VPS13D: variants seen among roughly 807,000 people sequenced by gnomAD.
The protein encoded by VPS13D is intermembrane lipid transfer protein VPS13D.
In VPS13D, 187 loss-of-function variants were observed where a neutral mutation model predicts 461.9. The observed-to-expected ratio is 0.40, with a 90% CI of 0.36 to 0.46. The LOEUF (loss-of-function observed/expected upper bound fraction) is 0.46, where lower values mean the gene tolerates loss of function less well. Ranked by LOEUF, VPS13D falls within the 20% of genes least tolerant of loss-of-function variation. The pLI is 0.60. For synonymous variants in VPS13D, 1,951 were observed against 1,986.3 expected (o/e 0.98, Z 0.47); for missense variants, 4,711 against 5,364.9 (o/e 0.88, Z 3.81).
rs145277198 is a variant in VPS13D, at chr1:12,432,326, G to A, written c.12333+15499G>A. Among the ~76,000 whole-genome samples the A allele has an allele frequency of 2.7e-3, 406 of 151,968 alleles. 2 individuals carry two copies. Among genetic ancestry groups the A allele is most frequent in the Middle Eastern group, 6.8e-3 (2 of 294 alleles). On this transcript the variant is annotated intron_variant, in intron 65 of 69. Transcript: ENST00000620676. ...GAGAGTCGCTTGAACCTGGGGAGGC[G>A]GAGGTTGCTGTGAGCCTAGATTGTG...
Position 12,403,985 on chromosome 1 carries a change from T to G in VPS13D, c.12030+12T>G, listed in dbSNP as rs1388700195. 6.4e-7 allele frequency: 1 copy of G among 1,567,164 alleles called. No individual in the cohort carries two copies. Among genetic ancestry groups the G allele is most frequent in the Non-Finnish European group, 8.6e-7 (1 of 1,161,344 alleles). The stretch of plus-strand genomic sequence containing the variant: ...CATTGGATCTTAAGGTGAGCTGCTA[T>G]TTGGGTAAATTTTTTTAGATGATTT... On this transcript the variant is annotated intron_variant, in intron 63 of 69. Coordinates refer to ENST00000620676, the MANE Select transcript of VPS13D (RefSeq NM_015378.4).
intron 1 of VPS13D, among the ~76,000 whole-genome samples, chr1:12,231,473 T>C (rs1639971466): frequency 6.6e-6 from 1 of 152,244 alleles, no homozygotes; most frequent in Non-Finnish European, 1.5e-5. Flanking sequence ...TTAGGGCAAG[T>C]AGGGTAGGGC....
chr1:12,420,548 C>G (rs1644850201), intron 65 of VPS13D, among the ~76,000 whole-genome samples: 1 of 152,184 alleles, frequency 6.6e-6, no homozygotes, highest in Admixed American at 6.5e-5. Flanking sequence ...TCATAAACCT[C>G]TTAAATTAAT....
rs1646166285 is a variant in VPS13D, at chr1:12,510,396, CTCAGTGGA to C, written c.*1382_*1389del. 1 of 152,182 alleles carries C rather than the reference CTCAGTGGA, an allele frequency of 6.6e-6. No homozygotes were observed. The highest frequency in any genetic ancestry group is 2.4e-5 in the African/African-American group (1 of 41,440). 9.4% of individuals were successfully genotyped at this position (152,182 alleles called of 1,614,324 possible). A position where few individuals can be genotyped will look rare whatever the true frequency, so the allele number is the denominator to read the frequency against. On this transcript the variant is annotated 3_prime_UTR_variant, in exon 70 of 70. Transcript: ENST00000620676. ...TCACATGTAGCTGAGTCTGGGATGA[CTCAGTGGA>C]TCAGTGGATGCGTGGAAGGTTTTGG...
chr1:12,369,485 C>T lies in VPS13D; in HGVS notation c.10591C>T (p.Gln3531Ter). The T allele has an allele frequency of 6.2e-7, 1 of 1,614,132 alleles. No homozygotes were observed. Among genetic ancestry groups the T allele is most frequent in the Non-Finnish European group, 8.5e-7 (1 of 1,180,030 alleles). The change falls in exon 54 of 70, where the codon CAG (glutamine) becomes TAG (stop). Residue 3531 changes from glutamine to a stop codon, truncating the protein, a stop_gained. Transcript: ENST00000620676. LOFTEE classifies it high-confidence loss of function. ...ACTCTAGGTCCCGGTTGTCTTTACT[C>T]AGCATGGCGTAGCTGAACCCAGGCT... ...NFSKVPVVFT[Q>*]HGVAEPRLRT... is the part of the protein sequence containing the mutation.
chr1:12,449,070 A>G (rs1003537699), intron 65 of VPS13D, among the ~76,000 whole-genome samples: 1 of 151,912 alleles, frequency 6.6e-6, no homozygotes, highest in Non-Finnish European at 1.5e-5. Context: ...ATAAGTGTTT[A>G]TCCGTGAAAT....
chr1:12,459,535 A>G (rs190992094), intron 66 of VPS13D, among the ~76,000 whole-genome samples: 159 of 149,518 alleles, frequency 1.1e-3, no homozygotes, highest in African/African-American at 3.7e-3. Context: ...CTGGAGTGCA[A>G]TGCTGCGATC....
At position 12,277,187 on chromosome 1, in the gene VPS13D, G is replaced by A. The variant is rs768331333; in HGVS notation, c.3599G>A (p.Gly1200Asp). 2 of 1,614,204 alleles carry A rather than the reference G, an allele frequency of 1.2e-6. No homozygotes were observed. Among genetic ancestry groups the A allele is most frequent in the South Asian group, 1.1e-5 (1 of 91,088 alleles). ...AAAATTGCAACTGCAAGTATAGGTG[G>A]CACCAAAGTTAATGTCTCAATGGGT... The part of the protein sequence containing the change: ...GRKIATASIG[G>D]TKVNVSMGST... The change falls in exon 19 of 70, where the codon GGC becomes GAC. Residue 1200 changes from glycine to aspartate, a missense_variant. Transcript: ENST00000620676.
intron 29 of VPS13D, among the ~76,000 whole-genome samples, chr1:12,312,416 A>G (rs1642778828): frequency 1.3e-5 from 2 of 152,150 alleles, no homozygotes; most frequent in South Asian, 4.1e-4. Flanking sequence ...GGGGTGGGAG[A>G]TGCAGAACCA....
Position 12,288,636 on chromosome 1 carries a change from C to T in VPS13D, c.5725+323C>T, listed in dbSNP as rs1393230713. Among the ~76,000 whole-genome samples, 4 of 151,046 alleles carry T rather than the reference C, an allele frequency of 2.6e-5. No homozygotes were observed. The Admixed American group carries it at 2.7e-4, about 10-fold the overall frequency. On this transcript the variant is annotated intron_variant, in intron 22 of 69. Coordinates refer to ENST00000620676, the MANE Select transcript of VPS13D (RefSeq NM_015378.4). Reference sequence around the variant, plus strand: ...TTTCAACAGACTCTATCTAGGGTGCCCATATAACTTTTTTTTGGTTCAAAT... The same window carrying T: ...TTTCAACAGACTCTATCTAGGGTGCTCATATAACTTTTTTTTGGTTCAAAT...
At chr1:12,459,930 CCT>C (rs967180463) in intron 66 of VPS13D, among the ~76,000 whole-genome samples, 1 of 151,442 alleles carries the variant, frequency 6.6e-6, no homozygotes, top group Non-Finnish European at 1.5e-5. Context: ...CCACTGTTAA[CCT>C]CTCAGCTTTT....
intron 14 of VPS13D, 74 bp from the exon 15 acceptor site, chr1:12,267,771 G>T: frequency 3.0e-6 from 4 of 1,324,144 alleles, no homozygotes; most frequent in Non-Finnish European, 4.4e-6. Flanking sequence ...TTGCTGAAGG[G>T]TAAGATGGGT....
intron 65 of VPS13D, among the ~76,000 whole-genome samples, chr1:12,424,932 A>C (rs940048821): frequency 6.6e-6 from 1 of 152,188 alleles, no homozygotes; most frequent in African/African-American, 2.4e-5. Context: ...TTTCTACCCT[A>C]GTGTAAACAT....
intron 52 of VPS13D, among the ~76,000 whole-genome samples, chr1:12,363,859 A>G (rs914592022): frequency 1.4e-5 from 2 of 147,836 alleles, no homozygotes; most frequent in Non-Finnish European, 3.0e-5. Flanking sequence ...AGGCTGAGGC[A>G]GGAGAATCGC....
chr1:12,430,586 G>A (rs1644979203), intron 65 of VPS13D, among the ~76,000 whole-genome samples: 1 of 152,222 alleles, frequency 6.6e-6, no homozygotes, highest in Non-Finnish European at 1.5e-5. Flanking sequence ...GTTTTGCCAA[G>A]ACCGTGCAGT....
rs1644232926 is a variant in VPS13D, at chr1:12,378,576, C to A, written c.11066C>A (p.Ala3689Glu). ...ATCTTAGATATTGCTGGTCTCGCTG[C>A]AGTGACTGACAACAGGTAATTTTCT... ...SAILDIAGLA[A>E]VTDNRYEPLM... The change falls in exon 56 of 70, where the codon GCA becomes GAA. Residue 3689 changes from alanine to glutamate, a missense_variant. Physicochemically the swap from Ala to Glu is moderately radical, Grantham distance 107. Transcript: ENST00000620676. 6.3e-7 allele frequency: 1 copy of A among 1,580,992 alleles called. No homozygotes were observed. The highest frequency in any genetic ancestry group is 1.4e-5 in the African/African-American group (1 of 73,306).
Position 12,304,639 on chromosome 1 carries a change from G to A in VPS13D, c.6350G>A (p.Ser2117Asn), listed in dbSNP as rs148218951. ...CCTCTTGCTGGAATGAGCCTAGGAA[G>A]CCTGAAGAGTGAGTTTGTGCCCAGT... ...TMPLAGMSLGSLKSEFVPSTS... is the reference protein window; with the variant it reads ...TMPLAGMSLGNLKSEFVPSTS... The change falls in exon 26 of 70, where the codon AGC becomes AAC. Residue 2117 changes from serine to asparagine, a missense_variant. This residue lies in a region of VPS13D where 4,411 missense variants were observed against 4,937.8 expected (regional missense o/e 0.89). Coordinates refer to ENST00000620676, the MANE Select transcript of VPS13D (RefSeq NM_015378.4). The A allele has an allele frequency of 9.4e-5, 151 of 1,614,132 alleles. No individual in the cohort carries two copies. The African/African-American group carries it at 1.4e-3, about 15-fold the overall frequency.
chr1:12,336,008 C>G, intron 39 of VPS13D, 181 bp downstream of exon 39: 1 of 797,436 alleles, frequency 1.3e-6, no homozygotes, highest in Non-Finnish European at 1.9e-6. Context: ...AACTACTGAA[C>G]TTATAAATGT....
chr1:12,317,660 A>G (rs912513842), intron 30 of VPS13D, among the ~76,000 whole-genome samples: 12 of 152,010 alleles, frequency 7.9e-5, no homozygotes, highest in Non-Finnish European at 1.8e-4. Flanking sequence ...CGGGAGGATC[A>G]CTTGATCCCA....
Sources: gnomAD v4.1 joint callset for allele counts (sites outside exome capture counted in the v4.1 genomes callset) on GRCh38, gnomAD v4.1.1 for gene constraint, gnomAD v4.1.1 regional missense constraint, MANE v1.5 for transcripts, NCBI Gene and HGNC (gene_info 2026-07-23, HGNC 2026-07-21) for gene names.